The following AP4B1 variants were observed in gnomAD, a reference collection of about 807,000 sequenced individuals.
AP4B1 encodes the protein AP-4 complex subunit beta-1.
In AP4B1, 49 loss-of-function variants were observed where a neutral mutation model predicts 76.5. The observed-to-expected ratio is 0.64, with a 90% CI of 0.51 to 0.81. AP4B1 has a LOEUF of 0.81. Ranked by LOEUF, AP4B1 falls within the 40% of genes least tolerant of loss-of-function variation. The probability of loss-of-function intolerance (pLI) is 0.00; values close to 1 mark genes in which losing one functional copy is unlikely to be tolerated. For synonymous variants in AP4B1, 330 were observed against 333.3 expected (o/e 0.99, Z 0.11); for missense variants, 911 against 904.9 (o/e 1.01, Z -0.09).
intron 1 of AP4B1, among the ~76,000 whole-genome samples, chr1:113,904,228 G>C (rs1315981959): frequency 6.6e-6 from 1 of 152,184 alleles, no homozygotes; most frequent in Non-Finnish European, 1.5e-5. Context: ...AATGTAAGCT[G>C]AACAGGTTTG....
rs760249691 is a variant in AP4B1, at chr1:113,900,072, T to C, written c.946A>G (p.Lys316Glu). 1.9e-6 allele frequency: 3 copies of C among 1,614,212 alleles called. No individual in the cohort carries two copies. Among genetic ancestry groups the C allele is most frequent in the Non-Finnish European group, 2.5e-6 (3 of 1,180,038 alleles). The stretch of plus-strand genomic sequence containing the variant: ...TCCGAGTAGGAGCAAAAAAACTTTT[T>C]GTAGTGGCTGCTAAAGTGACCTGGT... ...SLPGHFSSHY[K>E]KFFCSYSEPH... Residue 316 changes from lysine to glutamate, a missense_variant, in exon 5 of 10, where the codon AAA (lysine) becomes GAA (glutamate). Transcript: ENST00000369569.
At position 113,902,717 on chromosome 1, in the gene AP4B1, T is replaced by C. The variant is rs774082671; in HGVS notation, c.259A>G (p.Ile87Val). 6.2e-7 allele frequency: 1 copy of C among 1,614,228 alleles called. No homozygotes were observed. Among genetic ancestry groups the C allele is most frequent in the Non-Finnish European group, 8.5e-7 (1 of 1,180,040 alleles). The change falls in exon 2 of 10, where the codon ATC (isoleucine) becomes GTC (valine). Residue 87 changes from isoleucine to valine, a missense_variant. Physicochemically the swap from Ile to Val is conservative, Grantham distance 29 (BLOSUM62 3). Coordinates refer to ENST00000369569, the MANE Select transcript of AP4B1 (RefSeq NM_001253852.3). The stretch of plus-strand genomic sequence containing the variant: ...GAGCAGTCTTTGCACAGCGTATTGA[T>C]GGCCAGGAGAGCCAGATCTGGTTTC... ...PLKPDLALLA[I>V]NTLCKDCSDP... is the part of the protein sequence containing the mutation.
intron 6 of AP4B1, 54 bp downstream of exon 6, chr1:113,898,664 T>C: frequency 7.4e-7 from 1 of 1,355,036 alleles, no homozygotes; most frequent in Non-Finnish European, 1.0e-6. Context: ...GAGCAACTAC[T>C]ATAGGCCAGG....
chr1:113,898,902 CT>C lies in AP4B1; in HGVS notation c.1115-102del. The C allele has an allele frequency of 4.7e-6, 4 of 846,870 alleles. No individual in the cohort carries two copies. The East Asian group carries it at 1.2e-4, about 24-fold the overall frequency. 52.5% of individuals were successfully genotyped at this position (846,870 alleles called of 1,614,324 possible). Reference sequence around the variant, plus strand: ...TGAAAGACAAAAGAAACAGAATTATCTAAAAAAAAAAAAAAGAAAAAAATTC... The same window carrying C: ...TGAAAGACAAAAGAAACAGAATTATCAAAAAAAAAAAAAAGAAAAAAATTC... On this transcript the variant is annotated intron_variant, in intron 5 of 9. Coordinates refer to ENST00000369569, the MANE Select transcript of AP4B1 (RefSeq NM_001253852.3).
At position 113,900,172 on chromosome 1, in the gene AP4B1, T is replaced by TA. The variant is rs760621958; in HGVS notation, c.845dup (p.Ala283SerfsTer9). The TA allele has an allele frequency of 6.2e-7, 1 of 1,614,186 alleles. No individual in the cohort carries two copies. Among genetic ancestry groups the TA allele is most frequent in the Non-Finnish European group, 8.5e-7 (1 of 1,180,046 alleles). ...CACGGCTCTCTGAAGAACAGGCAGC[T>TA]AGCAAAGGTCCCTTGACCCGCACAA... On this transcript the variant is annotated frameshift_variant, in exon 5 of 10. Transcript: ENST00000369569. LOFTEE classifies it high-confidence loss of function.
At chr1:113,901,127 G>T in intron 4 of AP4B1, 109 bp downstream of exon 4, 2 of 1,385,122 alleles carry the variant, frequency 1.4e-6, no homozygotes, top group Non-Finnish European at 2.0e-6. Context: ...TAATAATAAT[G>T]GTTAACTTTC....
rs1179966598 is a variant in AP4B1, at chr1:113,896,284, A to G, written c.1484T>C (p.Leu495Pro). Residue 495 changes from leucine (L) to proline (P), a missense_variant, in exon 8 of 10, where the codon CTA (leucine) becomes CCA (proline). Physicochemically the swap from Leu to Pro is moderately conservative, Grantham distance 98 (BLOSUM62 -3). Coordinates refer to ENST00000369569, the MANE Select transcript of AP4B1 (RefSeq NM_001253852.3). Reference sequence around the variant, plus strand: ...TATGCAGTAATACAACAAACGTCCTAGCATGTCCTGGCACTCAGCAGGTCG... The same window carrying G: ...TATGCAGTAATACAACAAACGTCCTGGCATGTCCTGGCACTCAGCAGGTCG... ...LSRPAECQDM[L>P]GRLLYYCIEE... 1 of 1,614,216 alleles carries G rather than the reference A, an allele frequency of 6.2e-7. No homozygotes were observed. The highest frequency in any genetic ancestry group is 8.5e-7 in the Non-Finnish European group (1 of 1,180,030).
chr1:113,902,810 C>A lies in AP4B1; in HGVS notation c.166G>T (p.Ala56Ser). 6.2e-7 allele frequency: 1 copy of A among 1,614,208 alleles called. No individual in the cohort carries two copies. The highest frequency in any genetic ancestry group is 1.1e-5 in the South Asian group (1 of 91,086). The change falls in exon 2 of 10, where the codon GCC (alanine) becomes TCC (serine). Residue 56 changes from alanine to serine, a missense_variant. Coordinates refer to ENST00000369569, the MANE Select transcript of AP4B1 (RefSeq NM_001253852.3). ...TGGACAATATCTACAGTGGCACTGGCCTTCACCATTTCCATAAAAACACCA... is the reference window on the plus strand; with the variant it reads ...TGGACAATATCTACAGTGGCACTGGACTTCACCATTTCCATAAAAACACCA... ...MSGVFMEMVK[A>S]SATVDIVQKK...
Position 113,894,316 on chromosome 1 carries a change from C to T in AP4B1, c.*749G>A, listed in dbSNP as rs1289117516. Reference sequence around the variant, plus strand: ...AAGCAACAAGAAAACAATTACAATACTACTGCTAGAGGTATGCTCTGGCTA... The same window carrying T: ...AAGCAACAAGAAAACAATTACAATATTACTGCTAGAGGTATGCTCTGGCTA... On this transcript the variant is annotated 3_prime_UTR_variant, in exon 10 of 10. Transcript: ENST00000369569. Among the ~76,000 whole-genome samples the T allele has an allele frequency of 6.6e-6, 1 of 152,174 alleles. No homozygotes were observed. The highest frequency in any genetic ancestry group is 1.5e-5 in the Non-Finnish European group (1 of 68,032).
intron 7 of AP4B1, 63 bp from the exon 8 acceptor site, chr1:113,896,528 TAGAC>T (rs1206690094): frequency 2.8e-5 from 43 of 1,535,126 alleles, no homozygotes; most frequent in African/African-American, 2.0e-4. Context: ...CAGGAGATAA[TAGAC>T]AGCCACTGGT....
At chr1:113,899,831 T>C (rs1414692651) in intron 5 of AP4B1, 73 bp downstream of exon 5, 3 of 1,612,388 alleles carry the variant, frequency 1.9e-6, no homozygotes, top group Non-Finnish European at 8.5e-7. Context: ...CTTTGCTCTC[T>C]ATGGTTCCTC....
At chr1:113,899,615 T>C (rs527606351) in intron 5 of AP4B1, among the ~76,000 whole-genome samples, 3 of 152,258 alleles carry the variant, frequency 2.0e-5, no homozygotes, top group South Asian at 2.1e-4. Context: ...AGATGATGTA[T>C]AGGAAAGCAT....
chr1:113,899,355 G>GT (rs1230881302), intron 5 of AP4B1: 1 of 1,010,636 alleles, frequency 9.9e-7, no homozygotes, highest in East Asian at 1.0e-4. Context: ...GAAAAAGTCT[G>GT]TAAGATTTAG....
At position 113,904,606 on chromosome 1, in the gene AP4B1, TA is replaced by T; in HGVS notation, c.111del (p.Arg38GlyfsTer3). ...CACGCGAAGGGAGGTAGGTGATACC[TA>T]ATCACTCGCTGGATGACATTCCGGT... ...LRYRNVIQRV[I>X]RYMTQGLDMS... is the part of the protein sequence containing the mutation. On this transcript the variant is annotated frameshift_variant and splice_region_variant, in exon 1 of 10. Coordinates refer to ENST00000369569, the MANE Select transcript of AP4B1 (RefSeq NM_001253852.3). LOFTEE classifies it high-confidence loss of function. The T allele has an allele frequency of 1.9e-6, 3 of 1,613,908 alleles. No individual in the cohort carries two copies. In the South Asian group the frequency reaches 3.3e-5, roughly 18 times the overall value.
chr1:113,901,109 A>G, intron 4 of AP4B1, 127 bp downstream of exon 4: 4 of 1,051,104 alleles, frequency 3.8e-6, no homozygotes, highest in Non-Finnish European at 5.4e-6. Context: ...CTCCGTCTCA[A>G]ATAATAATAA....
intron 4 of AP4B1, chr1:113,900,975 C>T (rs1668172490): frequency 9.1e-6 from 4 of 439,892 alleles, no homozygotes; most frequent in Middle Eastern, 6.7e-4. Context: ...GGCATGGTGG[C>T]GCATGCCTAT....
At chr1:113,902,524 T>A in intron 2 of AP4B1, 114 bp downstream of exon 2, 1 of 1,072,698 alleles carries the variant, frequency 9.3e-7, no homozygotes, top group Non-Finnish European at 1.4e-6. Flanking sequence ...CAGGGTACAA[T>A]AATGTTTTCC....
At chr1:113,897,543 G>A (rs982483697) in intron 7 of AP4B1, 9 of 407,564 alleles carry the variant, frequency 2.2e-5, no homozygotes, top group Middle Eastern at 7.5e-4. Flanking sequence ...GCAGTGGGCC[G>A]AGATCACGCC....
In AP4B1 at chr1:113,895,360, T is replaced by C; in HGVS notation, c.1925A>G (p.His642Arg). The C allele has an allele frequency of 6.2e-7, 1 of 1,614,234 alleles. No homozygotes were observed. The highest frequency in any genetic ancestry group is 8.5e-7 in the Non-Finnish European group (1 of 1,180,040). ...EKTWLSLKVA[H>R]QQVLPWRGEF... ...TCCCCGCCAAGGCAACACTTGCTGA[T>C]GAGCAACTTTAAGGCTAAGCCAAGT... The change falls in exon 10 of 10, where the codon CAT becomes CGT. Residue 642 changes from histidine (H) to arginine (R), a missense_variant. By Grantham distance (29) the His-to-Arg change is conservative (BLOSUM62 0). Coordinates refer to ENST00000369569, the MANE Select transcript of AP4B1 (RefSeq NM_001253852.3).
Sources: gnomAD v4.1 joint callset for allele counts (sites outside exome capture counted in the v4.1 genomes callset) on GRCh38, gnomAD v4.1.1 for gene constraint, MANE v1.5 for transcripts, NCBI Gene and HGNC (gene_info 2026-07-23, HGNC 2026-07-21) for gene names.